The following CCDC7 variants were observed in gnomAD, a reference collection of about 807,000 sequenced individuals.
CCDC7 encodes coiled-coil domain-containing protein 7.
In CCDC7, 183 loss-of-function variants were observed where a neutral mutation model predicts 196.9. The ratio of observed to expected loss-of-function variants is 0.93; its 90% CI spans 0.82 to 1.05. CCDC7 has a LOEUF of 1.05. Among genes scored for constraint, CCDC7 ranks in the 50% least tolerant of loss-of-function variants. The pLI is 0.00. For synonymous variants in CCDC7, 525 were observed against 484.6 expected, an observed-to-expected ratio of 1.08 and a Z score of -1.10; for missense variants, 1,540 against 1,482.2, an observed-to-expected ratio of 1.04 and a Z score of -0.64.
chr10:32,730,975 A>T (rs995217137), intron 28 of CCDC7, among the ~76,000 whole-genome samples: 1 of 151,936 alleles, frequency 6.6e-6, no homozygotes, highest in African/African-American at 2.4e-5. Context: ...CTCATTTTTT[A>T]TTGTGTCATT....
At chr10:32,658,039 A>G (rs2070356714) in intron 20 of CCDC7, among the ~76,000 whole-genome samples, 1 of 152,144 alleles carries the variant, frequency 6.6e-6, no homozygotes, top group African/African-American at 2.4e-5. Flanking sequence ...CTCAGGCTGG[A>G]CTTCATTGTC....
intron 9 of CCDC7, among the ~76,000 whole-genome samples, chr10:32,492,263 T>C (rs2042266155): frequency 6.6e-6 from 1 of 152,172 alleles, no homozygotes; most frequent in Non-Finnish European, 1.5e-5. Flanking sequence ...AAATATGTGC[T>C]ATGGGAAAAT....
intron 2 of CCDC7, among the ~76,000 whole-genome samples, chr10:32,455,657 T>C (rs2034170065): frequency 6.6e-6 from 1 of 152,198 alleles, no homozygotes; most frequent in Non-Finnish European, 1.5e-5. Flanking sequence ...ATATTCTTCA[T>C]GGAGAACCAC....
chr10:32,667,977 G>A lies in CCDC7; in HGVS notation c.2122+3816G>A, dbSNP rs574856164. ...CCTTGGGCAGTATGGCCATTTTCACGATATTGATTCTTCCTGCCCATGAGT... is the reference window on the plus strand; with the variant it reads ...CCTTGGGCAGTATGGCCATTTTCACAATATTGATTCTTCCTGCCCATGAGT... On this transcript the variant is annotated intron_variant, in intron 21 of 41. Transcript: ENST00000639629. Among the ~76,000 whole-genome samples the A allele has an allele frequency of 5.3e-5, 8 of 152,054 alleles. No individual in the cohort carries two copies. In the South Asian group the frequency reaches 1.3e-3, roughly 24 times the overall value.
At chr10:32,575,404 A>G (rs555111863) in intron 16 of CCDC7, among the ~76,000 whole-genome samples, 1 of 152,208 alleles carries the variant, frequency 6.6e-6, no homozygotes, top group Non-Finnish European at 1.5e-5. Flanking sequence ...AAACCTTGCA[A>G]TCCAGGAAGC....
chr10:32,701,372 T>A (rs1036166023), intron 24 of CCDC7, among the ~76,000 whole-genome samples: 1 of 152,198 alleles, frequency 6.6e-6, no homozygotes, highest in Non-Finnish European at 1.5e-5. Context: ...GAAGCCCATT[T>A]GATCATGGTG....
intron 18 of CCDC7, among the ~76,000 whole-genome samples, chr10:32,614,767 C>CA (rs2062592567): frequency 6.6e-6 from 1 of 152,190 alleles, no homozygotes; most frequent in African/African-American, 2.4e-5. Flanking sequence ...CTGCCATTAG[C>CA]ACCTGCACAT....
Position 32,527,198 on chromosome 10 carries a change from G to C in CCDC7, c.993+8693G>C, listed in dbSNP as rs560336078. Reference sequence around the variant, plus strand: ...TTCTCTGCTGTGACAGGGCAGCGCTGGGTTCATTGTAAAGTCCCCCCACTG... The same window carrying C: ...TTCTCTGCTGTGACAGGGCAGCGCTCGGTTCATTGTAAAGTCCCCCCACTG... On this transcript the variant is annotated intron_variant, in intron 11 of 41. Transcript: ENST00000639629. 2.0e-5 allele frequency among the ~76,000 whole-genome samples: 3 copies of C among 152,194 alleles called. No individual in the cohort carries two copies. The East Asian group carries it at 5.8e-4, about 29-fold the overall frequency.
intron 9 of CCDC7, among the ~76,000 whole-genome samples, chr10:32,499,599 T>C (rs924733704): frequency 9.6e-5 from 9 of 93,330 alleles, no homozygotes; most frequent in Non-Finnish European, 1.4e-4. Flanking sequence ...TTCTTTTTTA[T>C]TTTTTTATTT....
chr10:32,779,988 C>G (rs749183873), intron 29 of CCDC7, among the ~76,000 whole-genome samples: 33 of 152,282 alleles, frequency 2.2e-4, no homozygotes, highest in Admixed American at 3.9e-4. Context: ...GCCTGTAATC[C>G]AAGCACTTCG....
chr10:32,776,263 CT>C (rs1275158047), intron 28 of CCDC7, among the ~76,000 whole-genome samples: 1 of 149,514 alleles, frequency 6.7e-6, no homozygotes, highest in Non-Finnish European at 1.5e-5. Flanking sequence ...CACATGTACC[CT>C]AAAACTTGAA....
intron 29 of CCDC7, among the ~76,000 whole-genome samples, chr10:32,784,920 T>C (rs1028480828): frequency 6.6e-6 from 1 of 151,218 alleles, no homozygotes; most frequent in African/African-American, 2.4e-5. Context: ...GAGGCTTGCT[T>C]GAACCTGGGA....
At position 32,833,716 on chromosome 10, in the gene CCDC7, T is replaced by A. The variant is rs559628430; in HGVS notation, c.3269-1099T>A. 2.6e-5 allele frequency among the ~76,000 whole-genome samples: 4 copies of A among 152,266 alleles called. No individual in the cohort carries two copies. In the South Asian group the frequency reaches 8.3e-4, roughly 32 times the overall value. On this transcript the variant is annotated intron_variant, in intron 32 of 41. Transcript: ENST00000639629. ...TTAATCAAATTAATAACTTATTCTG[T>A]CAATCTGATGCATCTTTTCATTTTG...
At chr10:32,571,596 C>CA (rs1046856551) in intron 15 of CCDC7, among the ~76,000 whole-genome samples, 54 of 152,080 alleles carry the variant, frequency 3.6e-4, no homozygotes, top group African/African-American at 1.1e-3. Context: ...TTCTTTAACT[C>CA]AAAAAATTTT....
intron 11 of CCDC7, among the ~76,000 whole-genome samples, chr10:32,532,544 G>A (rs2049841801): frequency 6.6e-6 from 1 of 152,072 alleles, no homozygotes; most frequent in South Asian, 2.1e-4. Context: ...TGCCAGATAG[G>A]CCTATTACAT....
chr10:32,830,787 A>G (rs2092086461), intron 32 of CCDC7, among the ~76,000 whole-genome samples: 1 of 152,166 alleles, frequency 6.6e-6, no homozygotes, highest in Non-Finnish European at 1.5e-5. Context: ...GAAAGAACAA[A>G]ATAATTTAAA....
intron 27 of CCDC7, 93 bp from the exon 29 acceptor site, chr10:32,729,238 CA>C (rs1174168677): frequency 7.9e-7 from 1 of 1,261,366 alleles, no homozygotes; most frequent in East Asian, 2.4e-5. Context: ...AAACTATTCA[CA>C]TGATTTTCTC....
intron 28 of CCDC7, among the ~76,000 whole-genome samples, chr10:32,755,541 G>T (rs755651925): frequency 6.6e-6 from 1 of 152,090 alleles, no homozygotes. Context: ...TGAGGGTCTT[G>T]ACTGTTAGAA....
Position 32,726,836 on chromosome 10 carries a change from A to T in CCDC7, c.2668+4A>T, listed in dbSNP as rs1263080475. The T allele has an allele frequency of 3.3e-6, 5 of 1,518,662 alleles. No individual in the cohort carries two copies. Among genetic ancestry groups the T allele is most frequent in the Non-Finnish European group, 4.5e-6 (5 of 1,108,372 alleles). 94.1% of individuals were successfully genotyped at this position (1,518,662 alleles called of 1,614,324 possible). ...CCTGGAAGGGAAAGGCGTAATAGTA[A>T]GTGTAGTAATTATAGATGACTTTAA... is the stretch of plus-strand genomic sequence containing the variant. On this transcript the variant is annotated splice_donor_region_variant and intron_variant, in intron 26 of 41. Transcript: ENST00000639629.
Sources: gnomAD v4.1 joint callset for allele counts (sites outside exome capture counted in the v4.1 genomes callset) on GRCh38, gnomAD v4.1.1 for gene constraint, MANE v1.5 for transcripts, NCBI Gene and HGNC (gene_info 2026-07-23, HGNC 2026-07-21) for gene names.